Variants in SESTD1 observed in about 807,000 individuals in gnomAD.
SESTD1 encodes SEC14 domain and spectrin repeat-containing protein 1.
Under a neutral mutation model 101.7 loss-of-function variants are expected in SESTD1, and 43 were observed. The observed-to-expected ratio is 0.42, with a 90% confidence interval of 0.33 to 0.55. The LOEUF is 0.55. Ranked by LOEUF, SESTD1 falls within the 20% of genes least tolerant of loss-of-function variation. The probability of loss-of-function intolerance (pLI) is 0.07; values close to 1 mark genes in which losing one functional copy is unlikely to be tolerated. For synonymous variants in SESTD1, 283 were observed against 286.8 expected, an observed-to-expected ratio of 0.99 and a Z score of 0.13; for missense variants, 647 against 815.1, an observed-to-expected ratio of 0.79 and a Z score of 2.51.
At chr2:179,166,639 T>C (rs2045839817) in intron 5 of SESTD1, among the ~76,000 whole-genome samples, 1 of 152,068 alleles carries the variant, frequency 6.6e-6, no homozygotes, top group Non-Finnish European at 1.5e-5. Flanking sequence ...AAATACTGAA[T>C]AACAAGGAAC....
intron 9 of SESTD1, among the ~76,000 whole-genome samples, chr2:179,138,329 G>A (rs62175450): frequency 0.055 from 8,375 of 152,144 alleles, 317 homozygotes; most frequent in South Asian, 0.14. Context: ...AAAAATGCTG[G>A]ATAAATCCTG....
chr2:179,144,247 G>A lies in SESTD1; in HGVS notation c.638-444C>T, dbSNP rs554755537. The stretch of plus-strand genomic sequence containing the variant: ...TTTCTGTCTGATGGTACTAATCCAA[G>A]TAATATGTTGTAGGATTTCAGTATT... On this transcript the variant is annotated intron_variant, in intron 8 of 17. Coordinates refer to ENST00000428443, the MANE Select transcript of SESTD1 (RefSeq NM_178123.5). Among the ~76,000 whole-genome samples the A allele has an allele frequency of 1.7e-3, 258 of 151,810 alleles. 2 individuals are homozygous for A. Among genetic ancestry groups the A allele is most frequent in the Middle Eastern group, 3.4e-3 (1 of 292 alleles).
In SESTD1 at chr2:179,264,656, C is replaced by A. The variant is rs933330327; in HGVS notation, c.-183G>T. 1.6e-4 allele frequency: 24 copies of A among 151,554 alleles called. No individual in the cohort carries two copies. The highest frequency in any genetic ancestry group is 2.2e-4 in the Non-Finnish European group (15 of 67,980). The allele number at this position is 151,554 out of a possible 1,614,324, so 9.4% of individuals were successfully genotyped here. A position where few individuals can be genotyped will look rare whatever the true frequency, so the allele number is the denominator to read the frequency against. ...GCGGCGGCAGCAGCGGCGACGGCTG[C>A]GGCTCCAGTCACTCGCGGCAAATCG... On this transcript the variant is annotated 5_prime_UTR_variant, in exon 1 of 18. Transcript: ENST00000428443.
intron 9 of SESTD1, 89 bp downstream of exon 9, chr2:179,143,503 T>C (rs1045390076): frequency 1.8e-6 from 2 of 1,105,980 alleles, no homozygotes; most frequent in South Asian, 1.5e-5. Flanking sequence ...AGGTTTTCTA[T>C]ATAGTGTATA....
At chr2:179,121,996 C>T (rs188245100) in intron 12 of SESTD1, 67 bp from the exon 13 acceptor site, 11 of 1,474,958 alleles carry the variant, frequency 7.5e-6, no homozygotes, top group Non-Finnish European at 6.3e-6. Context: ...TCAAACAAAT[C>T]GTCTCATCAG....
chr2:179,153,623 G>T (rs2045570990), intron 5 of SESTD1, among the ~76,000 whole-genome samples: 1 of 152,026 alleles, frequency 6.6e-6, no homozygotes, highest in Non-Finnish European at 1.5e-5. Context: ...TGATCTCTGA[G>T]TACCATTTCT....
At chr2:179,200,391 T>C (rs1233464545) in intron 1 of SESTD1, among the ~76,000 whole-genome samples, 1 of 152,038 alleles carries the variant, frequency 6.6e-6, no homozygotes, top group Non-Finnish European at 1.5e-5. Context: ...AAGCTACCAA[T>C]GACTTTCTTC....
At position 179,113,204 on chromosome 2, in the gene SESTD1, T is replaced by C. The variant is rs556401811; in HGVS notation, c.1840-359A>G. Among the ~76,000 whole-genome samples the C allele has an allele frequency of 2.6e-5, 4 of 152,360 alleles. No individual in the cohort carries two copies. The East Asian group carries it at 5.8e-4, about 22-fold the overall frequency. ...TTCTTTCATTTATATTAAGTAACCA[T>C]TTATTGAACAGTTTATGTTTATGTA... is the stretch of plus-strand genomic sequence containing the variant. On this transcript the variant is annotated intron_variant, in intron 16 of 17. Transcript: ENST00000428443.
chr2:179,149,234 A>G (rs1341486769), intron 7 of SESTD1, 63 bp downstream of exon 7: 6 of 1,159,452 alleles, frequency 5.2e-6, no homozygotes, highest in East Asian at 5.0e-5. Flanking sequence ...AACAATAGAG[A>G]TATCTTTTAT....
chr2:179,250,270 A>T (rs911617509), intron 1 of SESTD1, among the ~76,000 whole-genome samples: 5 of 152,240 alleles, frequency 3.3e-5, no homozygotes, highest in African/African-American at 9.6e-5. Context: ...AGCACATGAA[A>T]AGATGTTCAA....
At chr2:179,143,138 A>G (rs1027437154) in intron 9 of SESTD1, among the ~76,000 whole-genome samples, 12 of 152,142 alleles carry the variant, frequency 7.9e-5, no homozygotes, top group Non-Finnish European at 1.5e-4. Flanking sequence ...TAATAACTAA[A>G]TACATTTAAT....
intron 2 of SESTD1, among the ~76,000 whole-genome samples, chr2:179,185,645 A>G (rs1250027108): frequency 3.9e-5 from 5 of 128,196 alleles, no homozygotes; most frequent in African/African-American, 1.6e-4. Context: ...AGCATATTAT[A>G]TACAATATAG....
Position 179,106,647 on chromosome 2 carries a change from A to T in SESTD1, c.*3252T>A, listed in dbSNP as rs1161858151. The T allele has an allele frequency of 6.6e-6, 1 of 152,184 alleles. No individual in the cohort carries two copies. Among genetic ancestry groups the T allele is most frequent in the Admixed American group, 6.6e-5 (1 of 15,262 alleles). 9.4% of individuals were successfully genotyped at this position (152,184 alleles called of 1,614,324 possible). On this transcript the variant is annotated 3_prime_UTR_variant, in exon 18 of 18. Transcript: ENST00000428443. ...TAAGACTAGCTAACACATGGGAGCA[A>T]TAGCCAATGTAAATTTGTATAAAGT...
At chr2:179,131,102 T>C (rs1413200614) in intron 10 of SESTD1, among the ~76,000 whole-genome samples, 1 of 152,126 alleles carries the variant, frequency 6.6e-6, no homozygotes, top group Non-Finnish European at 1.5e-5. Flanking sequence ...ATTCCAAATC[T>C]TGTAATATCT....
In SESTD1 at chr2:179,264,586, G is replaced by A; in HGVS notation, c.-113C>T. 6.6e-6 allele frequency: 1 copy of A among 152,320 alleles called. No individual in the cohort carries two copies. The highest frequency in any genetic ancestry group is 1.5e-5 in the Non-Finnish European group (1 of 68,702). 9.4% of individuals were successfully genotyped at this position (152,320 alleles called of 1,614,324 possible). A position where few individuals can be genotyped will look rare whatever the true frequency, so the allele number is the denominator to read the frequency against. Reference sequence around the variant, plus strand: ...AGCGAGGTGCGGGCGGAGGCGGAGGGCGCGGCGGGAGGAAGGCGGGCTGGG... The same window carrying A: ...AGCGAGGTGCGGGCGGAGGCGGAGGACGCGGCGGGAGGAAGGCGGGCTGGG... On this transcript the variant is annotated 5_prime_UTR_variant, in exon 1 of 18. Transcript: ENST00000428443.
intron 10 of SESTD1, among the ~76,000 whole-genome samples, chr2:179,130,447 T>TA (rs1310454210): frequency 2.0e-5 from 3 of 152,152 alleles, no homozygotes; most frequent in Admixed American, 6.5e-5. Context: ...ACCTTATAAA[T>TA]ATATTAAAAA....
In SESTD1 at chr2:179,126,338, G is replaced by A. The variant is rs75463178; in HGVS notation, c.973-1780C>T. On this transcript the variant is annotated intron_variant, in intron 10 of 17. Coordinates refer to ENST00000428443, the MANE Select transcript of SESTD1 (RefSeq NM_178123.5). ...ATTTTATTGAACCTCTCAACAAACA[G>A]CTGCATTTGGCACAAGTAAGCACTT... is the stretch of plus-strand genomic sequence containing the variant. Among the ~76,000 whole-genome samples, 1,305 of 152,198 alleles carry A rather than the reference G, an allele frequency of 8.6e-3. 10 individuals carry two copies. The highest frequency in any genetic ancestry group is 0.029 in the African/African-American group (1,217 of 41,526).
chr2:179,250,482 C>T (rs953313106), intron 1 of SESTD1, among the ~76,000 whole-genome samples: 4 of 152,136 alleles, frequency 2.6e-5, no homozygotes, highest in South Asian at 2.1e-4. Context: ...CTTACAGTTC[C>T]GGAGGTTAGA....
At position 179,109,142 on chromosome 2, in the gene SESTD1, A is replaced by G. The variant is rs910873728; in HGVS notation, c.*757T>C. On this transcript the variant is annotated 3_prime_UTR_variant, in exon 18 of 18. Transcript: ENST00000428443. ...TCACAATAATTTTTCATGATAAAAC[A>G]TGCTTATTTATTATATACACATGCT... 2 of 152,296 alleles carry G rather than the reference A, an allele frequency of 1.3e-5. No individual in the cohort carries two copies. The highest frequency in any genetic ancestry group is 4.9e-5 in the African/African-American group (2 of 41,216). 9.4% of individuals were successfully genotyped at this position (152,296 alleles called of 1,614,324 possible).
Sources: allele counts gnomAD v4.1 joint callset (sites outside exome capture counted in the v4.1 genomes callset), GRCh38; gene constraint gnomAD v4.1.1; transcripts MANE v1.5; gene names NCBI Gene and HGNC (gene_info 2026-07-23, HGNC 2026-07-21).